Variants in SLC4A2 observed in about 807,000 individuals in gnomAD.
SLC4A2 encodes anion exchange protein 2.
SLC4A2 carries 36 observed loss-of-function variants against 115.0 expected under a neutral mutation model. The ratio of observed to expected loss-of-function variants is 0.31; its 90% confidence interval spans 0.24 to 0.41. SLC4A2 has a LOEUF of 0.41. SLC4A2 is among the 10% of genes least tolerant of loss of function. The pLI, the probability that SLC4A2 is intolerant of heterozygous loss-of-function variation, is 1.00. For missense variants in SLC4A2, 1,252 were observed against 1,705.6 expected (o/e 0.73, Z 4.68); for synonymous variants, 708 against 708.3 (o/e 1.00, Z 0.01).
chr7:151,068,538 G>A (rs1016625752), intron 8 of SLC4A2, among the ~76,000 whole-genome samples: 19 of 151,634 alleles, frequency 1.3e-4, no homozygotes, highest in Admixed American at 3.9e-4. Flanking sequence ...TTTTTTTTTC[G>A]AGACAGGATC....
chr7:151,066,367 C>T, intron 5 of SLC4A2, 150 bp from the exon 6 acceptor site: 2 of 924,800 alleles, frequency 2.2e-6, no homozygotes, highest in Non-Finnish European at 3.1e-6. Flanking sequence ...CCAGAATCCT[C>T]CCCCTCCCCG....
At position 151,067,527 on chromosome 7, in the gene SLC4A2, G is replaced by A. The variant is rs535826198; in HGVS notation, c.967-347G>A. ...TTTGAGTATTGTGGTTATAATTCAC[G>A]TCTGTTAAAAGGCCTGCAAAACGCC... On this transcript the variant is annotated intron_variant, in intron 7 of 22. Transcript: ENST00000413384. 4.6e-5 allele frequency among the ~76,000 whole-genome samples: 7 copies of A among 152,356 alleles called. No individual in the cohort carries two copies. In the South Asian group the frequency reaches 8.3e-4, roughly 18 times the overall value.
intron 7 of SLC4A2, among the ~76,000 whole-genome samples, chr7:151,067,628 C>T (rs1478289216): frequency 6.6e-6 from 1 of 152,198 alleles, no homozygotes; most frequent in Non-Finnish European, 1.5e-5. Context: ...TTTTCCTTTT[C>T]ATCCTTCTGA....
intron 2 of SLC4A2, chr7:151,062,813 G>C: frequency 7.3e-7 from 1 of 1,372,238 alleles, no homozygotes; most frequent in African/African-American, 1.5e-5. Flanking sequence ...TCACAGAGGG[G>C]AGAAGCCAGC....
chr7:151,061,785 C>G, intron 1 of SLC4A2, 140 bp from the exon 2 acceptor site: 1 of 573,676 alleles, frequency 1.7e-6, no homozygotes, highest in South Asian at 2.2e-5. Context: ...ATAAATAACT[C>G]TCCTCTGTGC....
chr7:151,064,114 C>T (rs1797145297), intron 2 of SLC4A2, 88 bp from the exon 3 acceptor site: 2 of 1,406,146 alleles, frequency 1.4e-6, no homozygotes, highest in Admixed American at 3.7e-5. Context: ...GGGAGGGTTC[C>T]TGGGTCTCTG....
At position 151,074,985 on chromosome 7, in the gene SLC4A2, A is replaced by G. The variant is rs1292191226; in HGVS notation, c.3047+144A>G. On this transcript the variant is annotated intron_variant, in intron 19 of 22. Transcript: ENST00000413384. The stretch of plus-strand genomic sequence containing the variant: ...CCCAGATGGCCACAGTTTATTCTGT[A>G]GACAGCAGAAAAACCCCGATGTTTG... The G allele has an allele frequency of 7.4e-6, 7 of 942,076 alleles. No homozygotes were observed. The Admixed American group carries it at 9.7e-5, about 13-fold the overall frequency. The allele number at this position is 942,076 out of a possible 1,614,324, so 58.4% of individuals were successfully genotyped here.
Position 151,075,463 on chromosome 7 carries a change from G to A in SLC4A2, c.3256G>A (p.Val1086Ile), listed in dbSNP as rs777331623. 11 of 1,602,576 alleles carry A rather than the reference G, an allele frequency of 6.9e-6. No individual in the cohort carries two copies. The highest frequency in any genetic ancestry group is 8.5e-6 in the Non-Finnish European group (10 of 1,179,920). The change falls in exon 20 of 23, where the codon GTC (valine) becomes ATC (isoleucine). Residue 1086 changes from valine to isoleucine, a missense_variant. Val to Ile is a conservative substitution (Grantham distance 29, BLOSUM62 3). This residue lies in a region of SLC4A2 where 253 missense variants were observed against 407.4 expected (regional missense o/e 0.62). Transcript: ENST00000413384. ...APGDKPKIQE[V>I]KEQRVTGLLV... ...TGGGGACAAGCCCAAGATTCAGGAA[G>A]TCAAGGAGCAGCGGGTGACGGGGCT...
chr7:151,071,262 G>T lies in SLC4A2; in HGVS notation c.1940G>T (p.Gly647Val). Reference protein sequence around the residue: ...REEQGRLLPTGAGLEPKSAQD... With the variant: ...REEQGRLLPTVAGLEPKSAQD... ...GAGCAGGGCCGGCTGCTACCTACAG[G>T]GGCTGGGCTGGAGCCCAAATCTGCC... Residue 647 changes from glycine (G) to valine (V), a missense_variant, in exon 13 of 23, where the codon GGG (glycine) becomes GTG (valine). Physicochemically the swap from Gly to Val is moderately radical, Grantham distance 109 (BLOSUM62 -3). This residue lies in a region of SLC4A2 where 122 missense variants were observed against 116.8 expected (regional missense o/e 1.04). Transcript: ENST00000413384. The surrounding 1 kb of genome is among the most constrained non-coding windows in gnomAD (Gnocchi z 5.5). 6.4e-7 allele frequency: 1 copy of T among 1,562,676 alleles called. No homozygotes were observed.
chr7:151,070,130 C>T (rs1416518854), intron 9 of SLC4A2, 48 bp downstream of exon 9: 2 of 1,614,048 alleles, frequency 1.2e-6, no homozygotes, highest in Admixed American at 1.7e-5. Context: ...CCCACCTGCC[C>T]TGGCCCTTGT....
chr7:151,060,585 G>T lies in SLC4A2; in HGVS notation c.-64+823G>T, dbSNP rs1302586460. ...GGACAGAAGCTGCTTTGTGTTCTGG[G>T]ACAGCAGGGGAGGGGGTGCAGAGGA... On this transcript the variant is annotated intron_variant, in intron 1 of 22. Transcript: ENST00000413384. This position sits in a 1 kb window ranked among gnomAD's most constrained non-coding sequence, Gnocchi z 5.9. 6.6e-6 allele frequency among the ~76,000 whole-genome samples: 1 copy of T among 152,184 alleles called. No individual in the cohort carries two copies. The highest frequency in any genetic ancestry group is 1.5e-5 in the Non-Finnish European group (1 of 68,032).
Position 151,071,286 on chromosome 7 carries a change from C to T in SLC4A2, c.1964C>T (p.Ala655Val). The T allele has an allele frequency of 6.4e-7, 1 of 1,555,572 alleles. No individual in the cohort carries two copies. Among genetic ancestry groups the T allele is most frequent in the African/African-American group, 1.4e-5 (1 of 73,482 alleles). The change falls in exon 13 of 23, where the codon GCC (alanine) becomes GTC (valine). Residue 655 changes from alanine to valine, a missense_variant. Physicochemically the swap from Ala to Val is moderately conservative, Grantham distance 64. Around this residue, in one of 14 missense-constraint regions of SLC4A2, gnomAD observed 122 missense variants for 116.8 expected, o/e 1.04. Transcript: ENST00000413384. This position sits in a 1 kb window ranked among gnomAD's most constrained non-coding sequence, Gnocchi z 5.5. ...GGGGCTGGGCTGGAGCCCAAATCTG[C>T]CCAAGATAAGGGTACGGCCAGGGCG... ...PTGAGLEPKS[A>V]QDKALLQMVE...
At position 151,071,440 on chromosome 7, in the gene SLC4A2, C is replaced by T. The variant is rs749678950; in HGVS notation, c.2026C>T (p.Arg676Trp). ...AGGGGCAGCTGAAGATGATCCCCTT[C>T]GGCGGACGGGGCGGCCCTTTGGGGG... Reference protein sequence around the residue: ...AAGAAEDDPLRRTGRPFGGLI... With the variant: ...AAGAAEDDPLWRTGRPFGGLI... The change falls in exon 14 of 23, where the codon CGG becomes TGG. Residue 676 changes from arginine to tryptophan, a missense_variant. Coordinates refer to ENST00000413384, the MANE Select transcript of SLC4A2 (RefSeq NM_003040.4). This position sits in a 1 kb window ranked among gnomAD's most constrained non-coding sequence, Gnocchi z 5.5. 2.4e-5 allele frequency: 38 copies of T among 1,605,966 alleles called. No homozygotes were observed. The highest frequency in any genetic ancestry group is 4.5e-5 in the East Asian group (2 of 44,844).
chr7:151,065,080 C>G, intron 5 of SLC4A2, 114 bp downstream of exon 5: 1 of 762,786 alleles, frequency 1.3e-6, no homozygotes, highest in Non-Finnish European at 2.3e-6. Context: ...GTTCAAATCC[C>G]AGGCCCGCAC....
intron 2 of SLC4A2, chr7:151,063,107 A>T: frequency 6.7e-7 from 1 of 1,501,230 alleles, no homozygotes; most frequent in African/African-American, 1.4e-5. Flanking sequence ...GCTGCCGCTT[A>T]GCTGGGCTGA....
chr7:151,063,037 G>T, intron 2 of SLC4A2: 2 of 1,469,646 alleles, frequency 1.4e-6, no homozygotes, highest in Non-Finnish European at 1.8e-6. Context: ...ATATTTGGCG[G>T]CGCCTGGAGC....
At chr7:151,075,105 T>C (rs1797575380) in intron 19 of SLC4A2, 150 bp from the exon 20 acceptor site, 4 of 1,188,054 alleles carry the variant, frequency 3.4e-6, no homozygotes, top group Admixed American at 2.0e-5. Flanking sequence ...CAGGTTTTGC[T>C]CTGTAACGGA....
intron 20 of SLC4A2, 33 bp from the exon 21 acceptor site, chr7:151,075,573 C>G (rs764179892): frequency 5.0e-6 from 8 of 1,585,352 alleles, no homozygotes; most frequent in Non-Finnish European, 6.8e-6. Context: ...CAGGGGACCC[C>G]GGGGCCAACT....
In SLC4A2 at chr7:151,071,914, C is replaced by T; in HGVS notation, c.2341-28C>T. 6.2e-7 allele frequency: 1 copy of T among 1,611,892 alleles called. No individual in the cohort carries two copies. Among genetic ancestry groups the T allele is most frequent in the Non-Finnish European group, 8.5e-7 (1 of 1,178,312 alleles). On this transcript the variant is annotated intron_variant, in intron 15 of 22. Transcript: ENST00000413384. This position sits in a 1 kb window ranked among gnomAD's most constrained non-coding sequence, Gnocchi z 5.5. ...CTCCCCACAGCATCCCCACCCAGAGCTCAGGACCTGACTGCCCCTCCCTCC... is the reference window on the plus strand; with the variant it reads ...CTCCCCACAGCATCCCCACCCAGAGTTCAGGACCTGACTGCCCCTCCCTCC...
Sources: allele counts gnomAD v4.1 joint callset (sites outside exome capture counted in the v4.1 genomes callset), GRCh38; gene constraint gnomAD v4.1.1; regional missense constraint gnomAD v4.1.1; non-coding constraint Gnocchi (gnomAD v3.1); transcripts MANE v1.5; gene names NCBI Gene and HGNC (gene_info 2026-07-23, HGNC 2026-07-21).